The following LRRC1 variants were observed in gnomAD, a reference collection of about 807,000 sequenced individuals.
The protein encoded by LRRC1 is leucine rich repeat containing 1.
In LRRC1, 28 loss-of-function variants were observed where a neutral mutation model predicts 69.9. That is an observed-to-expected ratio of 0.40 (90% CI 0.30 to 0.55). LRRC1 has a LOEUF of 0.55. LRRC1 is among the 20% of genes least tolerant of loss of function. LRRC1 has a pLI of 0.47. For missense variants in LRRC1, 498 were observed against 609.0 expected, an observed-to-expected ratio of 0.82 and a Z score of 1.92; for synonymous variants, 236 against 240.2, an observed-to-expected ratio of 0.98 and a Z score of 0.16.
chr6:53,803,463 A>C (rs575976088), intron 1 of LRRC1, among the ~76,000 whole-genome samples: 1 of 152,294 alleles, frequency 6.6e-6, no homozygotes, highest in East Asian at 1.9e-4. Context: ...ATCTTCCTAA[A>C]TGCATAGGAG....
At chr6:53,834,296 C>G (rs1765546217) in intron 1 of LRRC1, among the ~76,000 whole-genome samples, 3 of 152,170 alleles carry the variant, frequency 2.0e-5, no homozygotes, top group Non-Finnish European at 2.9e-5. Context: ...ATTGGTTTGG[C>G]AGCAACCCCA....
intron 1 of LRRC1, among the ~76,000 whole-genome samples, chr6:53,826,006 G>A (rs1581856244): frequency 6.6e-6 from 1 of 151,732 alleles, no homozygotes; most frequent in East Asian, 2.0e-4. Context: ...CAGAGGAATG[G>A]CATGGTCACA....
At chr6:53,898,444 G>C (rs909809660) in intron 7 of LRRC1, among the ~76,000 whole-genome samples, 2 of 152,196 alleles carry the variant, frequency 1.3e-5, no homozygotes, top group Non-Finnish European at 2.9e-5. Flanking sequence ...GGACATAAAG[G>C]GGAAAGGAAA....
chr6:53,887,150 C>T (rs991296354), intron 4 of LRRC1, among the ~76,000 whole-genome samples: 1 of 152,006 alleles, frequency 6.6e-6, no homozygotes, highest in African/African-American at 2.4e-5. Flanking sequence ...TGCGGCTGTA[C>T]TCAATTTCTA....
chr6:53,798,281 C>T (rs935217513), intron 1 of LRRC1, among the ~76,000 whole-genome samples: 41 of 152,266 alleles, frequency 2.7e-4, no homozygotes, highest in African/African-American at 9.6e-4. Context: ...CTCCCCCATA[C>T]CCGCAGTTTG....
intron 8 of LRRC1, among the ~76,000 whole-genome samples, chr6:53,901,972 A>G (rs1181174770): frequency 6.6e-6 from 1 of 152,206 alleles, no homozygotes; most frequent in African/African-American, 2.4e-5. Flanking sequence ...GTAGAGAATG[A>G]AGGGCGCCTG....
chr6:53,902,673 C>T lies in LRRC1; in HGVS notation c.832C>T (p.Leu278Phe). 2 of 1,613,298 alleles carry T rather than the reference C, an allele frequency of 1.2e-6. No individual in the cohort carries two copies. The highest frequency in any genetic ancestry group is 1.1e-5 in the South Asian group (1 of 90,816). The change falls in exon 9 of 14, where the codon CTC (leucine) becomes TTC (phenylalanine). Residue 278 changes from leucine to phenylalanine, a missense_variant. Leu to Phe is a conservative substitution (Grantham distance 22). This residue lies in a region of LRRC1 where 266 missense variants were observed against 383.9 expected (regional missense o/e 0.69). Coordinates refer to ENST00000370888, the MANE Select transcript of LRRC1 (RefSeq NM_018214.5). ...AATCTTGAAGGTGGATCAGAATAGA[C>T]TCACACAGTTGCCTGAAGCAGTTGG... ...LSILKVDQNRLTQLPEAVGEC... is the reference protein window; with the variant it reads ...LSILKVDQNRFTQLPEAVGEC...
chr6:53,912,117 A>G (rs571376260), intron 10 of LRRC1, among the ~76,000 whole-genome samples: 2 of 152,380 alleles, frequency 1.3e-5, no homozygotes, highest in South Asian at 4.1e-4. Context: ...TAGTGGGCAG[A>G]GAGGCTATGC....
intron 4 of LRRC1, chr6:53,883,823 T>C (rs1767380136): frequency 7.4e-6 from 5 of 679,982 alleles, no homozygotes; most frequent in Non-Finnish European, 1.3e-5. Flanking sequence ...GAACAGAAAC[T>C]TGCTCTTTGA....
intron 4 of LRRC1, among the ~76,000 whole-genome samples, chr6:53,890,174 G>A (rs940894729): frequency 5.9e-5 from 9 of 152,074 alleles, no homozygotes; most frequent in Non-Finnish European, 1.0e-4. Context: ...TTAAAGAAAC[G>A]AATACCCTCA....
intron 5 of LRRC1, 32 bp from the exon 6 acceptor site, chr6:53,896,797 T>A (rs1562064801): frequency 7.1e-7 from 1 of 1,400,274 alleles, no homozygotes; most frequent in Non-Finnish European, 1.0e-6. Context: ...CTAAGTATTC[T>A]CTAAGTGCTC....
intron 8 of LRRC1, among the ~76,000 whole-genome samples, chr6:53,902,130 C>T (rs1305656152): frequency 6.6e-6 from 1 of 152,174 alleles, no homozygotes; most frequent in Non-Finnish European, 1.5e-5. Context: ...TCTTCCTGGC[C>T]TGAGTGAAAT....
At chr6:53,888,906 A>G (rs1767581696) in intron 4 of LRRC1, among the ~76,000 whole-genome samples, 1 of 152,230 alleles carries the variant, frequency 6.6e-6, no homozygotes, top group Admixed American at 6.5e-5. Flanking sequence ...AATACTTTCA[A>G]GAAAGTGAAA....
chr6:53,837,830 A>G (rs1177272373), intron 1 of LRRC1, among the ~76,000 whole-genome samples: 1 of 152,242 alleles, frequency 6.6e-6, no homozygotes, highest in Non-Finnish European at 1.5e-5. Flanking sequence ...AGCCAAATTA[A>G]AGGCTGTATC....
chr6:53,798,284 G>A (rs1437231352), intron 1 of LRRC1, among the ~76,000 whole-genome samples: 3 of 152,186 alleles, frequency 2.0e-5, no homozygotes, highest in Non-Finnish European at 4.4e-5. Flanking sequence ...CCCCATACCC[G>A]CAGTTTGATC....
At chr6:53,837,383 A>G (rs1472051509) in intron 1 of LRRC1, among the ~76,000 whole-genome samples, 1 of 152,140 alleles carries the variant, frequency 6.6e-6, no homozygotes, top group Non-Finnish European at 1.5e-5. Flanking sequence ...AACCACATAC[A>G]GGTGGTTGAC....
At chr6:53,862,961 G>T (rs72936457) in intron 2 of LRRC1, among the ~76,000 whole-genome samples, 3 of 152,130 alleles carry the variant, frequency 2.0e-5, no homozygotes, top group African/African-American at 7.2e-5. Context: ...CCCACAGCAC[G>T]GCATTCAAAC....
chr6:53,844,293 G>C (rs1351660125), intron 2 of LRRC1, among the ~76,000 whole-genome samples: 3 of 152,182 alleles, frequency 2.0e-5, no homozygotes, highest in Non-Finnish European at 2.9e-5. Flanking sequence ...AAAATCTGAA[G>C]AAATACATAG....
chr6:53,837,684 A>G (rs1249510461), intron 1 of LRRC1, among the ~76,000 whole-genome samples: 1 of 152,178 alleles, frequency 6.6e-6, no homozygotes, highest in African/African-American at 2.4e-5. Context: ...TGGCCATATA[A>G]TAATAAAAGG....
Sources: allele counts gnomAD v4.1 joint callset (sites outside exome capture counted in the v4.1 genomes callset), GRCh38; gene constraint gnomAD v4.1.1; regional missense constraint gnomAD v4.1.1; transcripts MANE v1.5; gene names NCBI Gene and HGNC (gene_info 2026-07-23, HGNC 2026-07-21).